COL21A1: variants seen among roughly 807,000 people sequenced by gnomAD.
COL21A1 encodes the protein collagen type XXI alpha 1 chain.
COL21A1 carries 149 observed loss-of-function variants against 137.9 expected under a neutral mutation model. The observed-to-expected ratio is 1.08, with a 90% CI of 0.95 to 1.24. The LOEUF (loss-of-function observed/expected upper bound fraction) is 1.24, where lower values mean the gene tolerates loss of function less well. Among genes scored for constraint, COL21A1 ranks in the 50% most tolerant of loss-of-function variants. The pLI is 0.00. For synonymous variants in COL21A1, 456 were observed against 391.5 expected (o/e 1.16, Z -1.95); for missense variants, 1,167 against 1,158.4 (o/e 1.01, Z -0.11).
chr6:56,332,295 TG>T lies in COL21A1; in HGVS notation c.-39+61675del, dbSNP rs1765244749. ...TGGGCATGGGCTATCTTTCCATTTTTGTTTCAACTATGATTTCTTTAATCAG... is the reference window on the plus strand; with the variant it reads ...TGGGCATGGGCTATCTTTCCATTTTTTTTCAACTATGATTTCTTTAATCAG... On this transcript the variant is annotated intron_variant, in intron 1 of 28. Coordinates refer to the COL21A1 transcript ENST00000370819. Among the ~76,000 whole-genome samples the T allele has an allele frequency of 2.6e-5, 4 of 152,092 alleles. No individual in the cohort carries two copies. The South Asian group carries it at 6.2e-4, about 24-fold the overall frequency.
intron 12 of COL21A1, among the ~76,000 whole-genome samples, chr6:56,138,750 T>C (rs1311331539): frequency 6.6e-6 from 1 of 152,098 alleles, no homozygotes; most frequent in Non-Finnish European, 1.5e-5. Flanking sequence ...AGTGAAAATG[T>C]GCAGGAAATA....
intron 17 of COL21A1, among the ~76,000 whole-genome samples, chr6:56,078,445 A>C (rs889871272): frequency 6.6e-6 from 1 of 151,654 alleles, no homozygotes; most frequent in Non-Finnish European, 1.5e-5. Context: ...ACACTGAAAG[A>C]CAAGAAAATT....
At chr6:56,259,114 T>C (rs1248885036) in intron 1 of COL21A1, among the ~76,000 whole-genome samples, 1 of 152,180 alleles carries the variant, frequency 6.6e-6, no homozygotes, top group Non-Finnish European at 1.5e-5. Context: ...CTCTTGGACA[T>C]ACCCTGACTT....
chr6:56,201,513 T>G (rs1171498212), intron 1 of COL21A1, among the ~76,000 whole-genome samples: 1 of 152,210 alleles, frequency 6.6e-6, no homozygotes, highest in Non-Finnish European at 1.5e-5. Flanking sequence ...AGTTTCAGCT[T>G]TCTACATATG....
intron 1 of COL21A1, among the ~76,000 whole-genome samples, chr6:56,326,052 C>T (rs10948997): frequency 0.73 from 4,417 of 6,058 alleles, 1,696 homozygotes; most frequent in Middle Eastern, 1. Context: ...TGTATGTATA[C>T]AAGTATTAAT....
At chr6:56,178,742 A>T (rs1011261584) in intron 3 of COL21A1, among the ~76,000 whole-genome samples, 7 of 152,142 alleles carry the variant, frequency 4.6e-5, no homozygotes, top group African/African-American at 1.7e-4. Context: ...GGACCTTCCC[A>T]TACCATGCAG....
intron 17 of COL21A1, among the ~76,000 whole-genome samples, chr6:56,096,547 A>T (rs1769339628): frequency 6.6e-6 from 1 of 152,234 alleles, no homozygotes; most frequent in Non-Finnish European, 1.5e-5. Flanking sequence ...AGGATTGACA[A>T]ATACTAGCTT....
Position 56,156,906 on chromosome 6 carries a change from G to A in COL21A1, c.1415C>T (p.Pro472Leu). 2 of 1,612,212 alleles carry A rather than the reference G, an allele frequency of 1.2e-6. No homozygotes were observed. The highest frequency in any genetic ancestry group is 1.7e-6 in the Non-Finnish European group (2 of 1,179,222). The change falls in exon 10 of 30, where the codon CCT becomes CTT. Residue 472 changes from proline to leucine, a missense_variant. Transcript: ENST00000244728. ...LPGNPGYPGQ[P>L]GQDGKPGYQG... ...ACTCACAGGCTTACCATCTTGACCA[G>A]GTTGTCCAGGGTAGCCAGGGTTCCC...
intron 1 of COL21A1, among the ~76,000 whole-genome samples, chr6:56,355,245 T>C (rs1276293351): frequency 6.6e-6 from 1 of 152,222 alleles, no homozygotes; most frequent in African/African-American, 2.4e-5. Context: ...GGGGATTGAA[T>C]ATGAATCTGA....
intron 1 of COL21A1, among the ~76,000 whole-genome samples, chr6:56,288,321 G>A (rs9370506): frequency 0.17 from 26,240 of 151,762 alleles, 3,716 homozygotes; most frequent in East Asian, 0.59. Flanking sequence ...GCACTCTGGT[G>A]TGGAAAACAC....
At chr6:56,299,235 A>G (rs1258296326) in intron 1 of COL21A1, among the ~76,000 whole-genome samples, 1 of 152,042 alleles carries the variant, frequency 6.6e-6, no homozygotes, top group Non-Finnish European at 1.5e-5. Context: ...TGTGAATGGA[A>G]TGGCTACATA....
rs560344748 is a variant in COL21A1, at chr6:56,164,556, G to A, written c.1288-50C>T. On this transcript the variant is annotated intron_variant, in intron 8 of 29. Transcript: ENST00000244728. ...ACAACAAGCATGGAAAGACATATAA[G>A]TACATGCACACGTATGTTTATGCAT... The A allele has an allele frequency of 3.6e-5, 45 of 1,265,888 alleles. No individual in the cohort carries two copies. In the African/African-American group the frequency reaches 6.5e-4, roughly 18 times the overall value. The allele number at this position is 1,265,888 out of a possible 1,614,324, so 78.4% of individuals were successfully genotyped here.
intron 1 of COL21A1, among the ~76,000 whole-genome samples, chr6:56,302,512 C>A (rs2152337641): frequency 6.6e-6 from 1 of 152,048 alleles, no homozygotes; most frequent in South Asian, 2.1e-4. Context: ...TGTCTGTTGG[C>A]TGCATAAATG....
chr6:56,066,260 G>A (rs962975269), intron 23 of COL21A1, among the ~76,000 whole-genome samples: 1 of 151,850 alleles, frequency 6.6e-6, no homozygotes, highest in African/African-American at 2.4e-5. Context: ...AAAAACAACT[G>A]AATTTTGTCA....
intron 1 of COL21A1, among the ~76,000 whole-genome samples, chr6:56,197,171 G>T (rs1187103626): frequency 6.6e-6 from 1 of 151,974 alleles, no homozygotes; most frequent in Non-Finnish European, 1.5e-5. Flanking sequence ...ATGTGGAAAA[G>T]AATGAAATTG....
At chr6:56,220,289 G>A (rs1247793887) in intron 1 of COL21A1, among the ~76,000 whole-genome samples, 1 of 152,110 alleles carries the variant, frequency 6.6e-6, no homozygotes, top group Non-Finnish European at 1.5e-5. Flanking sequence ...AAGAATTCTG[G>A]TGCTACAGAA....
intron 1 of COL21A1, among the ~76,000 whole-genome samples, chr6:56,207,522 T>C (rs1378630564): frequency 6.6e-6 from 1 of 152,026 alleles, no homozygotes; most frequent in Non-Finnish European, 1.5e-5. Context: ...AATAATAAGT[T>C]CTGAAATTGA....
chr6:56,120,968 C>A (rs1301740771), intron 16 of COL21A1, among the ~76,000 whole-genome samples: 1 of 152,070 alleles, frequency 6.6e-6, no homozygotes, highest in Admixed American at 6.6e-5. Flanking sequence ...ACCTAAGTAT[C>A]CATCAACAGA....
intron 1 of COL21A1, among the ~76,000 whole-genome samples, chr6:56,204,610 C>T (rs1056280148): frequency 6.6e-6 from 1 of 152,164 alleles, no homozygotes; most frequent in Non-Finnish European, 1.5e-5. Flanking sequence ...GCAAATCTCC[C>T]AGCACAGTGT....
Sources: gnomAD v4.1 joint callset for allele counts (sites outside exome capture counted in the v4.1 genomes callset) on GRCh38, gnomAD v4.1.1 for gene constraint, MANE v1.5 for transcripts, NCBI Gene and HGNC (gene_info 2026-07-23, HGNC 2026-07-21) for gene names.